BAHCC1: variants seen among roughly 807,000 people sequenced by gnomAD.
The protein encoded by BAHCC1 is BAH domain and coiled-coil containing 1, also known as BAH and coiled-coil domain-containing protein 1.
In BAHCC1, 43 loss-of-function variants were observed where a neutral mutation model predicts 88.2. That is an observed-to-expected ratio of 0.49 (90% confidence interval 0.38 to 0.63). The LOEUF (loss-of-function observed/expected upper bound fraction) is 0.63. Ranked by LOEUF, BAHCC1 falls within the 20% of genes least tolerant of loss-of-function variation. The probability of loss-of-function intolerance (pLI) is 0.00; values close to 1 mark genes in which losing one functional copy is unlikely to be tolerated. For missense variants in BAHCC1, 3,023 were observed against 1,654.8 expected, an observed-to-expected ratio of 1.83 and a Z score of -14.34; for synonymous variants, 1,510 against 745.5, an observed-to-expected ratio of 2.03 and a Z score of -16.71.
chr17:81,438,353 G>T lies in BAHCC1; in HGVS notation c.359-17G>T. 1.3e-6 allele frequency: 1 copy of T among 778,322 alleles called. No homozygotes were observed. Among genetic ancestry groups the T allele is most frequent in the Non-Finnish European group, 2.4e-6 (1 of 417,484 alleles). 48.2% of individuals were successfully genotyped at this position (778,322 alleles called of 1,614,324 possible). ...GGCTGGGAGTTGCCTCTGCAACTGG[G>T]TCTCTTGCTTCTCTAGCTCCGGGGT... is the stretch of plus-strand genomic sequence containing the variant. On this transcript the variant is annotated splice_polypyrimidine_tract_variant and intron_variant, in intron 3 of 27. Transcript: ENST00000675386.
Position 81,442,588 on chromosome 17 carries a change from C to A in BAHCC1, c.1239C>A (p.Ala413=). 1 of 773,798 alleles carries A rather than the reference C, an allele frequency of 1.3e-6. No homozygotes were observed. The highest frequency in any genetic ancestry group is 1.4e-5 in the South Asian group (1 of 73,992). 47.9% of individuals were successfully genotyped at this position (773,798 alleles called of 1,614,324 possible). A position where few individuals can be genotyped will look rare whatever the true frequency, so the allele number is the denominator to read the frequency against. The part of the protein sequence containing the change: ...DKGRPFQAAE[A]CAVAGEGKDR... ...GCCGCCCCTTCCAGGCCGCCGAGGCCTGTGCCGTGGCAGGGGAGGGCAAGG... is the reference window on the plus strand; with the variant it reads ...GCCGCCCCTTCCAGGCCGCCGAGGCATGTGCCGTGGCAGGGGAGGGCAAGG... Residue 413 remains alanine, a synonymous_variant, in exon 5 of 28, where the codon GCC becomes GCA. Coordinates refer to ENST00000675386, the MANE Select transcript of BAHCC1 (RefSeq NM_001377448.1).
In BAHCC1 at chr17:81,434,700, GC is replaced by G. The variant is rs1302217154; in HGVS notation, c.359-3666del. Among the ~76,000 whole-genome samples the G allele has an allele frequency of 1.3e-5, 2 of 152,080 alleles. No individual in the cohort carries two copies. Among genetic ancestry groups the G allele is most frequent in the African/African-American group, 4.8e-5 (2 of 41,396 alleles). On this transcript the variant is annotated intron_variant, in intron 3 of 27. Coordinates refer to ENST00000675386, the MANE Select transcript of BAHCC1 (RefSeq NM_001377448.1). The surrounding 1 kb of genome is among the most constrained non-coding windows in gnomAD (Gnocchi z 4.9). ...CAGCATCCTGAGAGACCCAGGAGCA[GC>G]CCCTGGTTTTCCACGGCAGGGATGC...
rs2064669202 is a variant in BAHCC1, at chr17:81,452,849, C to T, written c.4443C>T (p.Val1481=). The part of the protein sequence containing the change: ...GPLPRSDGKK[V]KAVRTSLGLL... ...TCCCCAGGAGCGATGGCAAGAAAGT[C>T]AAGTGAGTCCTGGGCACTGGCATGG... Residue 1481 remains valine (V), a splice_region_variant and synonymous_variant, in exon 14 of 28, where the codon GTC becomes GTT. Transcript: ENST00000675386. The T allele has an allele frequency of 1.3e-6, 1 of 744,040 alleles. No homozygotes were observed. The highest frequency in any genetic ancestry group is 2.5e-6 in the Non-Finnish European group (1 of 403,276). The allele number at this position is 744,040 out of a possible 1,614,324, so 46.1% of individuals were successfully genotyped here.
chr17:81,410,138 G>C, intron 2 of BAHCC1: 1 of 275,286 alleles, frequency 3.6e-6, no homozygotes, highest in South Asian at 2.7e-5. Flanking sequence ...CCTCCCAGGA[G>C]CACTGTGGCC....
chr17:81,397,655 G>T (rs1489599936), intron 1 of BAHCC1, among the ~76,000 whole-genome samples: 4 of 151,990 alleles, frequency 2.6e-5, no homozygotes, highest in African/African-American at 7.2e-5. Context: ...CCCCTCCCCT[G>T]ACCCCTGCGC....
At chr17:81,441,072 C>T (rs374770708) in intron 4 of BAHCC1, among the ~76,000 whole-genome samples, 5 of 151,780 alleles carry the variant, frequency 3.3e-5, no homozygotes, top group Non-Finnish European at 1.5e-5. Flanking sequence ...CCGCGTCCCC[C>T]GAAAATCCAC....
chr17:81,402,572 C>G (rs1396449455), intron 2 of BAHCC1: 1 of 152,268 alleles, frequency 6.6e-6, no homozygotes, highest in African/African-American at 2.4e-5. Context: ...CAGCCCGCCC[C>G]TCCCTCTGCT....
In BAHCC1 at chr17:81,459,041, C is replaced by T; in HGVS notation, c.5606-13C>T. The T allele has an allele frequency of 1.3e-6, 1 of 746,720 alleles. No individual in the cohort carries two copies. The highest frequency in any genetic ancestry group is 2.5e-6 in the Non-Finnish European group (1 of 401,804). The allele number at this position is 746,720 out of a possible 1,614,324, so 46.3% of individuals were successfully genotyped here. On this transcript the variant is annotated splice_polypyrimidine_tract_variant and intron_variant, in intron 20 of 27. Transcript: ENST00000675386. ...GGTAGGCCGTGCCGGCCGCTGACAC[C>T]TTGTGCCCACAGCGCGCTCGTGTGC...
chr17:81,406,036 G>A (rs193066263), intron 2 of BAHCC1, among the ~76,000 whole-genome samples: 3 of 152,274 alleles, frequency 2.0e-5, no homozygotes, highest in Admixed American at 6.5e-5. Flanking sequence ...AGAAAATACC[G>A]CCCAGCCTTT....
In BAHCC1 at chr17:81,441,948, G is replaced by A. The variant is rs782674396; in HGVS notation, c.599G>A (p.Arg200Gln). ...CCCATGGGCTCCTGCAGCCGGGATC[G>A]AGACCGGGGTGAGGCAGGCTCCCTG... ...AHPMGSCSRDRDRGEAGSLQK... is the reference protein window; with the variant it reads ...AHPMGSCSRDQDRGEAGSLQK... The change falls in exon 5 of 28, where the codon CGA (arginine) becomes CAA (glutamine). Residue 200 changes from arginine (R) to glutamine (Q), a missense_variant. Arg to Gln is a conservative substitution (Grantham distance 43). Transcript: ENST00000675386. 2.6e-5 allele frequency: 19 copies of A among 738,816 alleles called. 1 individual carries two copies. The highest frequency in any genetic ancestry group is 8.4e-5 in the South Asian group (6 of 71,104). The allele number at this position is 738,816 out of a possible 1,614,324, so 45.8% of individuals were successfully genotyped here.
Position 81,399,957 on chromosome 17 carries a change from C to T in BAHCC1, c.178+40C>T. 1 of 1,293,548 alleles carries T rather than the reference C, an allele frequency of 7.7e-7. No homozygotes were observed. 80.1% of individuals were successfully genotyped at this position (1,293,548 alleles called of 1,614,324 possible). ...GGGGCGGGCGCGGGACGGGAGCGTT[C>T]GAGAGCGGAACAGGGCGCCCACCCC... is the stretch of plus-strand genomic sequence containing the variant. On this transcript the variant is annotated intron_variant, in intron 2 of 27. Transcript: ENST00000675386. The surrounding 1 kb of genome is among the most constrained non-coding windows in gnomAD (Gnocchi z 4.5).
intron 2 of BAHCC1, among the ~76,000 whole-genome samples, chr17:81,414,693 T>C (rs1235163431): frequency 1.3e-5 from 2 of 152,132 alleles, no homozygotes; most frequent in African/African-American, 4.8e-5. Context: ...CGGGAGGGCC[T>C]GGTGTGGCCG....
Position 81,461,027 on chromosome 17 carries a change from C to T in BAHCC1, c.6364C>T (p.Leu2122Phe), listed in dbSNP as rs1555659090. 5.2e-6 allele frequency: 4 copies of T among 773,132 alleles called. No individual in the cohort carries two copies. The highest frequency in any genetic ancestry group is 4.9e-5 in the East Asian group (2 of 41,188). The allele number at this position is 773,132 out of a possible 1,614,324, so 47.9% of individuals were successfully genotyped here. Residue 2122 changes from leucine to phenylalanine, a missense_variant, in exon 26 of 28, where the codon CTC (leucine) becomes TTC (phenylalanine). By Grantham distance (22) the Leu-to-Phe change is conservative. Coordinates refer to ENST00000675386, the MANE Select transcript of BAHCC1 (RefSeq NM_001377448.1). Reference sequence around the variant, plus strand: ...CAAGGGGCCGGGGGTGCTGCAGAACCTCTTCCAGCTCAACGGCAGCAGCAA... The same window carrying T: ...CAAGGGGCCGGGGGTGCTGCAGAACTTCTTCCAGCTCAACGGCAGCAGCAA... ...ASKGPGVLQN[L>F]FQLNGSSKKL...
chr17:81,448,747 GGGTGGTTCCGCA>G (rs2064579522), intron 11 of BAHCC1, among the ~76,000 whole-genome samples: 1 of 152,190 alleles, frequency 6.6e-6, no homozygotes. Flanking sequence ...CACGCGGCAG[GGGTGGTTCCGCA>G]GTGCTGGGAG....
chr17:81,429,126 G>C (rs987774943), intron 3 of BAHCC1, among the ~76,000 whole-genome samples: 2 of 152,220 alleles, frequency 1.3e-5, no homozygotes, highest in Admixed American at 6.5e-5. Flanking sequence ...CGTGTCAGGT[G>C]GGGGTGGGCA....
chr17:81,431,005 C>T (rs2064254337), intron 3 of BAHCC1, among the ~76,000 whole-genome samples: 1 of 113,738 alleles, frequency 8.8e-6, no homozygotes, highest in Non-Finnish European at 1.7e-5. Flanking sequence ...GTGGAGGGGA[C>T]AGCGTGGGGG....
chr17:81,459,603 G>A lies in BAHCC1; in HGVS notation c.5904G>A (p.Arg1968=), dbSNP rs573187848. The A allele has an allele frequency of 9.0e-5, 70 of 779,654 alleles. 1 individual carries two copies. In the South Asian group the frequency reaches 9.1e-4, roughly 10 times the overall value. 48.3% of individuals were successfully genotyped at this position (779,654 alleles called of 1,614,324 possible). The part of the protein sequence containing the change: ...SRCLYPGNVV[R]GASGDEDEDL... ...GTCTGTACCCGGGCAACGTGGTCCG[G>A]GGTAAGTTGCACCCAAAGCGGGGGC... The change falls in exon 23 of 28, where the codon CGG becomes CGA. Residue 1968 remains arginine, a splice_region_variant and synonymous_variant. Coordinates refer to ENST00000675386, the MANE Select transcript of BAHCC1 (RefSeq NM_001377448.1).
At chr17:81,429,487 G>A (rs1329791625) in intron 3 of BAHCC1, among the ~76,000 whole-genome samples, 1 of 152,236 alleles carries the variant, frequency 6.6e-6, no homozygotes, top group East Asian at 1.9e-4. Context: ...GGCGGGCCAG[G>A]GTGAGAGGCT....
chr17:81,459,042 T>C lies in BAHCC1; in HGVS notation c.5606-12T>C, dbSNP rs782315323. On this transcript the variant is annotated splice_polypyrimidine_tract_variant and intron_variant, in intron 20 of 27. Transcript: ENST00000675386. ...GTAGGCCGTGCCGGCCGCTGACACC[T>C]TGTGCCCACAGCGCGCTCGTGTGCC... 3 of 747,042 alleles carry C rather than the reference T, an allele frequency of 4.0e-6. No homozygotes were observed. The African/African-American group carries it at 5.1e-5, about 13-fold the overall frequency. 46.3% of individuals were successfully genotyped at this position (747,042 alleles called of 1,614,324 possible).
Sources: allele counts gnomAD v4.1 joint callset (sites outside exome capture counted in the v4.1 genomes callset), GRCh38; gene constraint gnomAD v4.1.1; non-coding constraint Gnocchi (gnomAD v3.1); transcripts MANE v1.5; gene names NCBI Gene and HGNC (gene_info 2026-07-23, HGNC 2026-07-21).